FHIT: variants seen among roughly 807,000 people sequenced by gnomAD.
FHIT encodes the protein bis(5'-adenosyl)-triphosphatase.
FHIT carries 19 observed loss-of-function variants against 17.9 expected under a neutral mutation model. The observed-to-expected ratio is 1.06, with a 90% CI of 0.74 to 1.56. The LOEUF (loss-of-function observed/expected upper bound fraction) is 1.56, where lower values mean the gene tolerates loss of function less well. FHIT is among the 40% of genes most tolerant of loss of function. FHIT has a pLI of 0.00. For missense variants in FHIT, 248 were observed against 189.2 expected, an observed-to-expected ratio of 1.31 and a Z score of -1.82; for synonymous variants, 81 against 69.7, an observed-to-expected ratio of 1.16 and a Z score of -0.81.
At chr3:60,405,802 A>G (rs1701834401) in intron 5 of FHIT, among the ~76,000 whole-genome samples, 1 of 152,240 alleles carries the variant, frequency 6.6e-6, no homozygotes, top group African/African-American at 2.4e-5. Context: ...TCTGCAATGT[A>G]CACAGCAGCC....
intron 5 of FHIT, among the ~76,000 whole-genome samples, chr3:60,297,786 C>A (rs1182881688): frequency 6.6e-6 from 1 of 152,024 alleles, no homozygotes; most frequent in Non-Finnish European, 1.5e-5. Context: ...AACTGGGTAT[C>A]CTAGAATTCA....
intron 5 of FHIT, among the ~76,000 whole-genome samples, chr3:60,302,511 C>T (rs886673143): frequency 1.3e-5 from 2 of 152,032 alleles, no homozygotes; most frequent in East Asian, 1.9e-4. Context: ...TAGAAAATGC[C>T]TCTAATGCAA....
intron 8 of FHIT, among the ~76,000 whole-genome samples, chr3:59,787,529 C>CACACACGT (rs926298770): frequency 6.8e-6 from 1 of 147,710 alleles, no homozygotes; most frequent in African/African-American, 2.6e-5. Context: ...CACACACACA[C>CACACACGT]GTCAAAGGCT....
At chr3:60,028,500 A>T (rs1350920965) in intron 5 of FHIT, among the ~76,000 whole-genome samples, 1 of 152,208 alleles carries the variant, frequency 6.6e-6, no homozygotes, top group Non-Finnish European at 1.5e-5. Context: ...ATTCAGTCAG[A>T]GGCAGCCAGC....
chr3:59,947,279 G>T (rs6446097), intron 7 of FHIT, among the ~76,000 whole-genome samples: 24,962 of 152,024 alleles, frequency 0.16, 2,809 homozygotes, highest in East Asian at 0.33. Flanking sequence ...CTTCTTGTAC[G>T]TTTTCTAATT....
rs542483246 is a variant in FHIT at position 60,888,077 on chromosome 3, G to A, written c.-110-66066C>T. ...AATTAAGTCCGGCCTGAAATCTGGG[G>A]CTTCTGCTTCCCAGGTTATGAGCTT... On this transcript the variant is annotated intron_variant, in intron 3 of 9. Transcript: ENST00000492590. Among the ~76,000 whole-genome samples, 114 of 152,230 alleles carry A rather than the reference G, an allele frequency of 7.5e-4. 1 individual carries two copies. Among genetic ancestry groups the A allele is most frequent in the Non-Finnish European group, 1.2e-3 (81 of 68,032 alleles).
intron 5 of FHIT, among the ~76,000 whole-genome samples, chr3:60,453,903 C>A (rs1461036001): frequency 6.6e-6 from 1 of 152,052 alleles, no homozygotes; most frequent in African/African-American, 2.4e-5. Context: ...TCATTCCGAA[C>A]AGACAAAAGT....
chr3:60,132,998 C>G (rs555724861), intron 5 of FHIT, among the ~76,000 whole-genome samples: 2 of 152,126 alleles, frequency 1.3e-5, no homozygotes, highest in African/African-American at 4.8e-5. Context: ...AACATCTACC[C>G]AATACAGATT....
At chr3:61,212,269 T>C (rs34706798) in intron 1 of FHIT, among the ~76,000 whole-genome samples, 7 of 151,854 alleles carry the variant, frequency 4.6e-5, no homozygotes, top group Non-Finnish European at 7.4e-5. Flanking sequence ...ATTTAGACGA[T>C]TGTATAACTA....
chr3:61,215,838 C>T (rs1250995298), intron 1 of FHIT, among the ~76,000 whole-genome samples: 1 of 152,158 alleles, frequency 6.6e-6, no homozygotes, highest in African/African-American at 2.4e-5. Context: ...AGAAATAATG[C>T]CGCATATCTG....
chr3:60,910,506 G>A (rs948616215), intron 3 of FHIT, among the ~76,000 whole-genome samples: 1 of 151,324 alleles, frequency 6.6e-6, no homozygotes, highest in Non-Finnish European at 1.5e-5. Flanking sequence ...CCGCCTCCCA[G>A]GTTCATGCCA....
intron 5 of FHIT, among the ~76,000 whole-genome samples, chr3:60,451,736 C>A (rs74412838): frequency 0.021 from 3,170 of 152,262 alleles, 104 homozygotes; most frequent in African/African-American, 0.072. Context: ...GTAAACCTGA[C>A]TCTCCAACTA....
In FHIT at chr3:60,668,445, C is replaced by T. The variant is rs532165889; in HGVS notation, c.-17-131466G>A. 1.1e-4 allele frequency among the ~76,000 whole-genome samples: 16 copies of T among 144,300 alleles called. No individual in the cohort carries two copies. In the East Asian group the frequency reaches 3.1e-3, roughly 28 times the overall value. 94.7% of individuals were successfully genotyped at this position (144,300 alleles called of 152,430 possible). ...TGTTGCCAGGCTTGGACTTAGGAAA[C>T]ACTCAGTTAGGAAACACTCGGTCTA... On this transcript the variant is annotated intron_variant, in intron 4 of 9. Transcript: ENST00000492590.
At chr3:60,021,918 T>C (rs1045647605) in intron 5 of FHIT, among the ~76,000 whole-genome samples, 3 of 152,176 alleles carry the variant, frequency 2.0e-5, no homozygotes, top group South Asian at 2.1e-4. Flanking sequence ...TCAAAGAAGA[T>C]TGAGAAACAC....
chr3:61,110,596 G>A (rs1395237123), intron 2 of FHIT, among the ~76,000 whole-genome samples: 1 of 151,918 alleles, frequency 6.6e-6, no homozygotes, highest in African/African-American at 2.4e-5. Context: ...ATTTGCATAG[G>A]GGCATGGTCT....
At chr3:60,651,902 C>G (rs1445592342) in intron 4 of FHIT, among the ~76,000 whole-genome samples, 1 of 152,100 alleles carries the variant, frequency 6.6e-6, no homozygotes, top group African/African-American at 2.4e-5. Flanking sequence ...ACTGCCTTTC[C>G]CACCCAAAAT....
chr3:59,897,912 A>G (rs991808535), intron 8 of FHIT, among the ~76,000 whole-genome samples: 12 of 151,848 alleles, frequency 7.9e-5, no homozygotes, highest in Non-Finnish European at 1.8e-4. Flanking sequence ...GACTACAGGC[A>G]CCCGCCACCA....
At chr3:60,964,358 C>A (rs1351865134) in intron 3 of FHIT, among the ~76,000 whole-genome samples, 1 of 152,058 alleles carries the variant, frequency 6.6e-6, no homozygotes. Flanking sequence ...CTGAATACAG[C>A]ACACTGATGG....
At chr3:60,341,061 G>C (rs555681202) in intron 5 of FHIT, among the ~76,000 whole-genome samples, 1 of 152,106 alleles carries the variant, frequency 6.6e-6, no homozygotes, top group African/African-American at 2.4e-5. Context: ...CTCCATATTT[G>C]GATGGCTGAC....
Sources: allele counts gnomAD v4.1 joint callset (sites outside exome capture counted in the v4.1 genomes callset), GRCh38; gene constraint gnomAD v4.1.1; transcripts MANE v1.5; gene names NCBI Gene and HGNC (gene_info 2026-07-23, HGNC 2026-07-21).